GHITM: variants seen among roughly 807,000 people sequenced by gnomAD.
The protein encoded by GHITM is growth hormone-inducible transmembrane protein.
A neutral mutation model predicts 38.7 loss-of-function variants in GHITM; 24 were observed. The observed-to-expected ratio is 0.62, with a 90% confidence interval of 0.45 to 0.87. The LOEUF is 0.87. Among genes scored for constraint, GHITM ranks in the 40% least tolerant of loss-of-function variants. GHITM has a pLI of 0.00. For missense variants in GHITM, 420 were observed against 429.8 expected (o/e 0.98, Z 0.20); for synonymous variants, 154 against 147.8 (o/e 1.04, Z -0.30).
chr10:84,147,201 TGTA>T lies in GHITM; in HGVS notation c.484-1525_484-1523del, dbSNP rs1841565227. On this transcript the variant is annotated intron_variant, in intron 5 of 8. Transcript: ENST00000372134. The stretch of plus-strand genomic sequence containing the variant: ...TCCACAGAGGATGTGTGAAATAGTT[TGTA>T]GTAATTATTTCTCGTTAGAAAATGG... Among the ~76,000 whole-genome samples the T allele has an allele frequency of 2.0e-5, 3 of 152,322 alleles. No individual in the cohort carries two copies. The South Asian group carries it at 6.2e-4, about 32-fold the overall frequency.
Position 84,141,619 on chromosome 10 carries a change from CACCT to C in GHITM, c.121_124del (p.Pro41AlafsTer73). The C allele has an allele frequency of 4.3e-6, 7 of 1,613,782 alleles. No individual in the cohort carries two copies. The highest frequency in any genetic ancestry group is 5.9e-6 in the Non-Finnish European group (7 of 1,179,656). ...ATCACGAAGAATCAATGGCTGTTAA[CACCT>C]AGCAGGGTAAAGATAATCTGAATGT... On this transcript the variant is annotated frameshift_variant, in exon 2 of 9. Transcript: ENST00000372134. LOFTEE classifies it high-confidence loss of function.
At chr10:84,148,384 C>G (rs58285783) in intron 5 of GHITM, among the ~76,000 whole-genome samples, 1,767 of 152,230 alleles carry the variant, frequency 0.012, 31 homozygotes, top group African/African-American at 0.041. Flanking sequence ...CCTCCACCTC[C>G]CGGGTTCAAG....
intron 5 of GHITM, among the ~76,000 whole-genome samples, chr10:84,145,891 T>C (rs548598260): frequency 6.6e-6 from 1 of 152,268 alleles, no homozygotes; most frequent in African/African-American, 2.4e-5. Flanking sequence ...ACATGTCTCA[T>C]TTATTTTAGA....
In GHITM at chr10:84,150,783, C is replaced by T; in HGVS notation, c.856C>T (p.Leu286Phe). ...AGTGGCAATGTACGGTGGATTAGTT[C>T]TTTTCAGCATGTTCCTTCTGTATGA... is the stretch of plus-strand genomic sequence containing the variant. ...YSVAMYGGLV[L>F]FSMFLLYDTQ... is the part of the protein sequence containing the mutation. The change falls in exon 8 of 9, where the codon CTT becomes TTT. Residue 286 changes from leucine (L) to phenylalanine (F), a missense_variant. By Grantham distance (22) the Leu-to-Phe change is conservative. Transcript: ENST00000372134. 1 of 1,612,510 alleles carries T rather than the reference C, an allele frequency of 6.2e-7. No individual in the cohort carries two copies. Among genetic ancestry groups the T allele is most frequent in the East Asian group, 2.2e-5 (1 of 44,868 alleles).
At chr10:84,149,311 C>A (rs947991437) in intron 6 of GHITM, among the ~76,000 whole-genome samples, 2 of 152,152 alleles carry the variant, frequency 1.3e-5, no homozygotes, top group African/African-American at 4.8e-5. Context: ...TTAAATTATT[C>A]ATCATCATGA....
In GHITM at chr10:84,150,702, A is replaced by G; in HGVS notation, c.782-7A>G. The stretch of plus-strand genomic sequence containing the variant: ...AAAAAAATCTTGTTTTCGCATTTTG[A>G]TTTCAGGATCTATGTTTCTTCCACC... On this transcript the variant is annotated splice_polypyrimidine_tract_variant and splice_region_variant and intron_variant, in intron 7 of 8. Coordinates refer to ENST00000372134, the MANE Select transcript of GHITM (RefSeq NM_014394.3). 1 of 1,568,140 alleles carries G rather than the reference A, an allele frequency of 6.4e-7. No individual in the cohort carries two copies. The highest frequency in any genetic ancestry group is 1.4e-5 in the African/African-American group (1 of 72,888).
At chr10:84,150,946 T>C in intron 8 of GHITM, 66 bp downstream of exon 8, 1 of 1,192,382 alleles carries the variant, frequency 8.4e-7, no homozygotes. Flanking sequence ...GTATTTGACC[T>C]GTTTTGGTTT....
chr10:84,149,454 T>C (rs974812606), intron 6 of GHITM, among the ~76,000 whole-genome samples: 2 of 152,224 alleles, frequency 1.3e-5, no homozygotes, highest in African/African-American at 2.4e-5. Flanking sequence ...AGGTAACTTA[T>C]TCTTCTTAGC....
At chr10:84,145,929 C>G (rs1281675758) in intron 5 of GHITM, among the ~76,000 whole-genome samples, 1 of 152,116 alleles carries the variant, frequency 6.6e-6, no homozygotes, top group East Asian at 1.9e-4. Context: ...GGTGCAGTGG[C>G]TCACACCTGT....
chr10:84,146,884 C>T (rs990978919), intron 5 of GHITM, among the ~76,000 whole-genome samples: 1 of 152,182 alleles, frequency 6.6e-6, no homozygotes, highest in Non-Finnish European at 1.5e-5. Flanking sequence ...TACAAACACA[C>T]ACATAGACAC....
intron 6 of GHITM, among the ~76,000 whole-genome samples, chr10:84,149,779 A>G (rs1841593208): frequency 6.6e-6 from 1 of 152,220 alleles, no homozygotes; most frequent in Non-Finnish European, 1.5e-5. Context: ...TCAGATTCAA[A>G]TAGCTACATG....
rs772058614 is a variant in GHITM at position 84,144,968 on chromosome 10, C to T, written c.435C>T (p.Ile145=). The T allele has an allele frequency of 6.8e-6, 11 of 1,612,242 alleles. No individual in the cohort carries two copies. The highest frequency in any genetic ancestry group is 1.3e-5 in the African/African-American group (1 of 75,026). ...IGLTALSAIA[I]SRTPVLMNFM... ...TAACAGCTTTGTCTGCCATAGCAAT[C>T]AGCAGAACGCCTGTTCTCATGAACT... is the stretch of plus-strand genomic sequence containing the variant. The change falls in exon 5 of 9, where the codon ATC becomes ATT. Residue 145 remains isoleucine, a synonymous_variant. Coordinates refer to ENST00000372134, the MANE Select transcript of GHITM (RefSeq NM_014394.3).
intron 2 of GHITM, 26 bp from the exon 3 acceptor site, chr10:84,142,629 C>T (rs541567194): frequency 3.6e-5 from 52 of 1,434,958 alleles, no homozygotes; most frequent in Middle Eastern, 1.8e-4. Context: ...GTGGGTGGTA[C>T]GTGTCTTTGT....
chr10:84,149,430 G>A (rs767033303), intron 6 of GHITM, among the ~76,000 whole-genome samples: 24 of 152,036 alleles, frequency 1.6e-4, no homozygotes, highest in Non-Finnish European at 7.4e-5. Context: ...TGAGGTAAAC[G>A]ACATTTAAGA....
In GHITM at chr10:84,146,517, C is replaced by T. The variant is rs923503274; in HGVS notation, c.483+1501C>T. 3.3e-5 allele frequency among the ~76,000 whole-genome samples: 5 copies of T among 152,306 alleles called. No homozygotes were observed. In the South Asian group the frequency reaches 8.3e-4, roughly 25 times the overall value. ...TACTTTACTAAAGGATAACCATTTA[C>T]AGTAGCAGCCATTTGGATATTTATA... On this transcript the variant is annotated intron_variant, in intron 5 of 8. Coordinates refer to ENST00000372134, the MANE Select transcript of GHITM (RefSeq NM_014394.3).
At chr10:84,151,604 A>G (rs979182254) in intron 8 of GHITM, among the ~76,000 whole-genome samples, 1 of 152,204 alleles carries the variant, frequency 6.6e-6, no homozygotes, top group Non-Finnish European at 1.5e-5. Context: ...AGCCTATTTT[A>G]TACTTCTAGA....
rs1192094975 is a variant in GHITM at position 84,148,778 on chromosome 10, C to T, written c.532C>T (p.Arg178Ter). The T allele has an allele frequency of 3.7e-6, 6 of 1,613,184 alleles. No individual in the cohort carries two copies. Among genetic ancestry groups the T allele is most frequent in the East Asian group, 2.2e-5 (1 of 44,876 alleles). Residue 178 changes from arginine to a stop codon, truncating the protein, a stop_gained, in exon 6 of 9, where the codon CGA becomes TGA. Transcript: ENST00000372134. LOFTEE classifies it high-confidence loss of function. ...AAMVGAGMLV[R>*]SIPYDQSPGP... ...CATGGTTGGAGCTGGAATGCTGGTA[C>T]GATCAATACCATATGACCAGAGCCC...
intron 6 of GHITM, among the ~76,000 whole-genome samples, chr10:84,149,460 T>G (rs1028693486): frequency 6.6e-6 from 1 of 152,220 alleles, no homozygotes; most frequent in African/African-American, 2.4e-5. Flanking sequence ...CTTATTCTTC[T>G]TAGCACTGAA....
chr10:84,142,666 C>G lies in GHITM; in HGVS notation c.141C>G (p.Thr47=). 1 of 1,610,254 alleles carries G rather than the reference C, an allele frequency of 6.2e-7. No homozygotes were observed. Among genetic ancestry groups the G allele is most frequent in the South Asian group, 1.1e-5 (1 of 90,840 alleles). The stretch of plus-strand genomic sequence containing the variant: ...TGCATGTGTGTCAGGAATATGCCAC[C>G]AAAACAAGAATTGGGATCCGGCGTG... ...WLLTPSREYA[T]KTRIGIRRGR... The change falls in exon 3 of 9, where the codon ACC becomes ACG. Residue 47 remains threonine, a synonymous_variant. Coordinates refer to ENST00000372134, the MANE Select transcript of GHITM (RefSeq NM_014394.3).
Sources: gnomAD v4.1 joint callset for allele counts (sites outside exome capture counted in the v4.1 genomes callset) on GRCh38, gnomAD v4.1.1 for gene constraint, MANE v1.5 for transcripts, NCBI Gene and HGNC (gene_info 2026-07-23, HGNC 2026-07-21) for gene names.